UCHL1: variants seen among roughly 807,000 people sequenced by gnomAD.
UCHL1 encodes ubiquitin carboxyl-terminal hydrolase isozyme L1.
Under a neutral mutation model 33.3 loss-of-function variants are expected in UCHL1, and 5 were observed. The observed-to-expected ratio is 0.15, with a 90% CI of 0.08 to 0.32. The LOEUF is 0.32. UCHL1 is among the 10% of genes least tolerant of loss of function. The pLI is 1.00. For synonymous variants in UCHL1, 132 were observed against 108.8 expected, an observed-to-expected ratio of 1.21 and a Z score of -1.33; for missense variants, 236 against 280.0, an observed-to-expected ratio of 0.84 and a Z score of 1.12.
At chr4:41,260,896 G>T in intron 4 of UCHL1, 99 bp downstream of exon 4, 1 of 1,545,748 alleles carries the variant, frequency 6.5e-7, no homozygotes, top group East Asian at 2.2e-5. Context: ...TGTACCTTTT[G>T]AAACCATTTT....
At chr4:41,266,702 C>G (rs555342938) in intron 8 of UCHL1, among the ~76,000 whole-genome samples, 1 of 152,116 alleles carries the variant, frequency 6.6e-6, no homozygotes, top group South Asian at 2.1e-4. Flanking sequence ...CTTACTGTAG[C>G]CTTGAAGTCC....
At chr4:41,264,475 C>T (rs1028615595) in intron 8 of UCHL1, 2 of 437,224 alleles carry the variant, frequency 4.6e-6, no homozygotes, top group Non-Finnish European at 8.5e-6. Context: ...CATCAGATTA[C>T]ATCATAGCTA....
In UCHL1 at chr4:41,268,049, C is replaced by T. The variant is rs781389075; in HGVS notation, c.648C>T (p.Ala216=). The T allele has an allele frequency of 1.9e-5, 30 of 1,613,326 alleles. 1 individual carries two copies. The highest frequency in any genetic ancestry group is 2.7e-5 in the African/African-American group (2 of 74,904). ...AGCAAGGAGAAGTCCGCTTCTCTGC[C>T]GTGGCTCTCTGCAAGGCAGCCTAAT... is the stretch of plus-strand genomic sequence containing the variant. ...EREQGEVRFS[A]VALCKAA The change falls in exon 9 of 9, where the codon GCC becomes GCT. Residue 216 remains alanine, a synonymous_variant. Coordinates refer to ENST00000284440, the MANE Select transcript of UCHL1 (RefSeq NM_004181.5).
At chr4:41,258,100 A>G (rs1781013073) in intron 3 of UCHL1, among the ~76,000 whole-genome samples, 2 of 152,122 alleles carry the variant, frequency 1.3e-5, no homozygotes, top group Non-Finnish European at 2.9e-5. Context: ...AAGGGCTATA[A>G]CCTGTCAACT....
intron 8 of UCHL1, among the ~76,000 whole-genome samples, chr4:41,266,073 TG>T (rs1039834118): frequency 6.6e-5 from 10 of 152,118 alleles, no homozygotes; most frequent in African/African-American, 2.4e-4. Flanking sequence ...TTATAAGGTG[TG>T]GGGAAGGTAA....
chr4:41,263,549 A>C (rs1246157387), intron 7 of UCHL1, among the ~76,000 whole-genome samples: 1 of 152,186 alleles, frequency 6.6e-6, no homozygotes, highest in Non-Finnish European at 1.5e-5. Flanking sequence ...CCTGAATATG[A>C]CCTTACTTGT....
chr4:41,267,361 A>G (rs928158297), intron 8 of UCHL1, among the ~76,000 whole-genome samples: 2 of 152,118 alleles, frequency 1.3e-5, no homozygotes, highest in African/African-American at 4.8e-5. Context: ...CTCCTGCCTT[A>G]GCCTCTCAGA....
intron 7 of UCHL1, 41 bp from the exon 8 acceptor site, chr4:41,264,062 A>G: frequency 1.2e-6 from 2 of 1,613,954 alleles, no homozygotes; most frequent in South Asian, 2.2e-5. Flanking sequence ...TAGCCAGAAA[A>G]CATGCAGAGA....
At chr4:41,265,199 T>G (rs774918388) in intron 8 of UCHL1, among the ~76,000 whole-genome samples, 1 of 152,108 alleles carries the variant, frequency 6.6e-6, no homozygotes. Context: ...CACAGTGAGG[T>G]AGGTATTATC....
chr4:41,258,934 A>C (rs1400303734), intron 3 of UCHL1, among the ~76,000 whole-genome samples: 1 of 152,244 alleles, frequency 6.6e-6, no homozygotes, highest in Non-Finnish European at 1.5e-5. Flanking sequence ...CCAGTTGAGC[A>C]TCACACAGAG....
At chr4:41,257,076 C>T (rs1780986759) in intron 1 of UCHL1, 39 bp from the exon 2 acceptor site, 4 of 1,613,952 alleles carry the variant, frequency 2.5e-6, no homozygotes, top group Non-Finnish European at 3.4e-6. Context: ...AGTCGCTGAT[C>T]GGTTCGGTTT....
chr4:41,267,233 T>G lies in UCHL1; in HGVS notation c.586-754T>G, dbSNP rs1420792355. On this transcript the variant is annotated intron_variant, in intron 8 of 8. Coordinates refer to ENST00000284440, the MANE Select transcript of UCHL1 (RefSeq NM_004181.5). The stretch of plus-strand genomic sequence containing the variant: ...AATATCAGGTAAACGTTAAGGCTGT[T>G]TTTTTTTTTGTTTGTTTGTTTGTTT... Among the ~76,000 whole-genome samples the G allele has an allele frequency of 0.026, 5 of 192 alleles. No individual in the cohort carries two copies. In the Admixed American group the frequency reaches 0.3, roughly 12 times the overall value. The allele number at this position is 192 out of a possible 152,430, so 0.1% of individuals were successfully genotyped here.
At position 41,263,266 on chromosome 4, in the gene UCHL1, C is replaced by T. The variant is rs745473963; in HGVS notation, c.501C>T (p.Asn167=). The change falls in exon 7 of 9, where the codon AAC becomes AAT. Residue 167 remains asparagine (N), a synonymous_variant. Transcript: ENST00000284440. ...KVNFHFILFN[N]VDGHLYELDG... is the part of the protein sequence containing the mutation. Reference sequence around the variant, plus strand: ...ATTTCCATTTTATTCTGTTTAACAACGTGGATGGCCACCTCTATGAACTTG... The same window carrying T: ...ATTTCCATTTTATTCTGTTTAACAATGTGGATGGCCACCTCTATGAACTTG... The T allele has an allele frequency of 3.0e-5, 48 of 1,614,044 alleles. No homozygotes were observed. In the East Asian group the frequency reaches 4.7e-4, roughly 16 times the overall value.
intron 7 of UCHL1, among the ~76,000 whole-genome samples, chr4:41,263,640 T>A (rs1181248677): frequency 6.6e-6 from 1 of 152,252 alleles, no homozygotes; most frequent in African/African-American, 2.4e-5. Flanking sequence ...CTTGTAAGAT[T>A]CATTCCTTTT....
chr4:41,260,529 C>T, intron 3 of UCHL1, 118 bp from the exon 4 acceptor site: 1 of 1,293,702 alleles, frequency 7.7e-7, no homozygotes, highest in South Asian at 1.3e-5. Context: ...ACATCTAGAA[C>T]CAGGGGTTCT....
At position 41,257,572 on chromosome 4, in the gene UCHL1, TC is replaced by T. The variant is rs769879042; in HGVS notation, c.46-33del. 100 of 1,482,212 alleles carry T rather than the reference TC, an allele frequency of 6.7e-5. No homozygotes were observed. The South Asian group carries it at 1.2e-3, about 18-fold the overall frequency. The allele number at this position is 1,482,212 out of a possible 1,614,324, so 91.8% of individuals were successfully genotyped here. On this transcript the variant is annotated intron_variant, in intron 2 of 8. Coordinates refer to ENST00000284440, the MANE Select transcript of UCHL1 (RefSeq NM_004181.5). The stretch of plus-strand genomic sequence containing the variant: ...CTGGCAGGTGCCCGCGACCCGCGTG[TC>T]CCCGTGCGCCTGGCCGCCTTGTCTC...
At chr4:41,267,394 G>A (rs937660176) in intron 8 of UCHL1, among the ~76,000 whole-genome samples, 17 of 152,210 alleles carry the variant, frequency 1.1e-4, no homozygotes, top group African/African-American at 3.6e-4. Context: ...GCAGATGCCC[G>A]CCATCATGCC....
chr4:41,262,986 G>C (rs1781096885), intron 6 of UCHL1, among the ~76,000 whole-genome samples: 1 of 152,146 alleles, frequency 6.6e-6, no homozygotes. Context: ...GCCTCTCTAA[G>C]CCTCAATTTT....
At chr4:41,267,357 CCTT>C (rs1194800687) in intron 8 of UCHL1, among the ~76,000 whole-genome samples, 2 of 152,214 alleles carry the variant, frequency 1.3e-5, no homozygotes, top group African/African-American at 4.8e-5. Flanking sequence ...CATTCTCCTG[CCTT>C]AGCCTCTCAG....
Sources: gnomAD v4.1 joint callset for allele counts (sites outside exome capture counted in the v4.1 genomes callset) on GRCh38, gnomAD v4.1.1 for gene constraint, MANE v1.5 for transcripts, NCBI Gene and HGNC (gene_info 2026-07-23, HGNC 2026-07-21) for gene names.